The following NRXN3 variants were observed in gnomAD, a reference collection of about 807,000 sequenced individuals.
The protein encoded by NRXN3 is neurexin III.
A neutral mutation model predicts 137.6 loss-of-function variants in NRXN3; 32 were observed. That is an observed-to-expected ratio of 0.23 (90% CI 0.18 to 0.31). The LOEUF (loss-of-function observed/expected upper bound fraction) is 0.31, where lower values mean the gene tolerates loss of function less well. Among genes scored for constraint, NRXN3 ranks in the 10% least tolerant of loss-of-function variants. The pLI, the probability that NRXN3 is intolerant of heterozygous loss-of-function variation, is 1.00. For synonymous variants in NRXN3, 798 were observed against 784.5 expected, an observed-to-expected ratio of 1.02 and a Z score of -0.29; for missense variants, 1,574 against 2,062.5, an observed-to-expected ratio of 0.76 and a Z score of 4.59.
intron 15 of NRXN3, among the ~76,000 whole-genome samples, chr14:79,317,457 T>A (rs2089051238): frequency 6.6e-6 from 1 of 152,210 alleles, no homozygotes. Context: ...TCATATTGGA[T>A]GACTTATCCT....
At chr14:78,403,823 A>G (rs746072328) in intron 4 of NRXN3, 12 of 985,204 alleles carry the variant, frequency 1.2e-5, no homozygotes, top group Non-Finnish European at 1.4e-5. Flanking sequence ...GTGCTTTCTC[A>G]GGGATATGCA....
At chr14:78,818,608 A>G (rs561982408) in intron 10 of NRXN3, among the ~76,000 whole-genome samples, 26 of 152,288 alleles carry the variant, frequency 1.7e-4, no homozygotes, top group African/African-American at 6.0e-4. Flanking sequence ...ATTTTGGTTG[A>G]AAGTAAGGAA....
chr14:78,300,687 T>TA, intron 4 of NRXN3: 1 of 1,529,922 alleles, frequency 6.5e-7, no homozygotes, highest in Non-Finnish European at 8.8e-7. Context: ...TAGGTAGAAG[T>TA]AAAGGTAGAG....
intron 4 of NRXN3, among the ~76,000 whole-genome samples, chr14:78,345,406 C>A (rs546863308): frequency 6.6e-6 from 1 of 152,132 alleles, no homozygotes; most frequent in Non-Finnish European, 1.5e-5. Flanking sequence ...CTAAGTCTTA[C>A]GATTTTGAAA....
chr14:79,852,234 A>AACAC (rs45581833), intron 20 of NRXN3, among the ~76,000 whole-genome samples: 21,371 of 128,054 alleles, frequency 0.17, 1,988 homozygotes, highest in Non-Finnish European at 0.19. Context: ...TTCAACTCCC[A>AACAC]ACACACACAC....
chr14:78,174,155 C>CAGT (rs2059036615), intron 1 of NRXN3, among the ~76,000 whole-genome samples: 1 of 151,954 alleles, frequency 6.6e-6, no homozygotes, highest in Non-Finnish European at 1.5e-5. Flanking sequence ...AAATAAGCAC[C>CAGT]CAGTGATAAT....
intron 19 of NRXN3, among the ~76,000 whole-genome samples, chr14:79,797,912 G>A (rs1035678544): frequency 3.9e-5 from 6 of 151,974 alleles, no homozygotes; most frequent in Non-Finnish European, 8.8e-5. Flanking sequence ...CGGCAACATG[G>A]CAAAACCCTG....
rs796485268 is a variant in NRXN3, at chr14:79,409,617, CTATATATATATATA to C, written c.3263-57590_3263-57577del. Among the ~76,000 whole-genome samples the C allele has an allele frequency of 3.7e-3, 413 of 112,116 alleles. 5 individuals carry two copies. The highest frequency in any genetic ancestry group is 0.013 in the African/African-American group (393 of 31,424). The allele number at this position is 112,116 out of a possible 152,430, so 73.6% of individuals were successfully genotyped here. On this transcript the variant is annotated intron_variant, in intron 15 of 20. Transcript: ENST00000335750. ...AGCAAGTGTGTGTGTGTGTGTGTGT[CTATATATATATATA>C]TATATATATATATCCTCAAAATTTT...
At position 78,651,274 on chromosome 14, in the gene NRXN3, C is replaced by T. The variant is rs1423929238; in HGVS notation, c.1169C>T (p.Ala390Val). The T allele has an allele frequency of 2.5e-6, 4 of 1,614,106 alleles. No individual in the cohort carries two copies. In the South Asian group the frequency reaches 3.3e-5, roughly 13 times the overall value. ...FFYVGGSPST[A>V]DLPGSPVSNN... Reference sequence around the variant, plus strand: ...TATGTAGGAGGAAGCCCAAGTACCGCTGACTTGCCTGGCTCCCCTGTCAGC... The same window carrying T: ...TATGTAGGAGGAAGCCCAAGTACCGTTGACTTGCCTGGCTCCCCTGTCAGC... The change falls in exon 6 of 21, where the codon GCT becomes GTT. Residue 390 changes from alanine (A) to valine (V), a missense_variant. This residue lies in a region of NRXN3 where 400 missense variants were observed against 527.3 expected (regional missense o/e 0.76). Transcript: ENST00000335750.
chr14:79,537,535 G>A (rs1052762109), intron 16 of NRXN3, among the ~76,000 whole-genome samples: 6 of 152,006 alleles, frequency 3.9e-5, no homozygotes, highest in Non-Finnish European at 8.8e-5. Context: ...GTGACAACAT[G>A]CAGTGTTTGG....
intron 4 of NRXN3, among the ~76,000 whole-genome samples, chr14:78,588,787 G>A (rs908617029): frequency 2.0e-5 from 3 of 152,142 alleles, no homozygotes; most frequent in African/African-American, 4.8e-5. Context: ...TCCCTTGTCC[G>A]CCCCATATCC....
At chr14:79,814,811 G>A (rs2099246712) in intron 20 of NRXN3, among the ~76,000 whole-genome samples, 1 of 151,978 alleles carries the variant, frequency 6.6e-6, no homozygotes, top group African/African-American at 2.4e-5. Flanking sequence ...GGAACTTTAT[G>A]GAAATCTGCA....
chr14:79,770,269 C>T (rs61992366), intron 19 of NRXN3, among the ~76,000 whole-genome samples: 11,914 of 151,932 alleles, frequency 0.078, 540 homozygotes, highest in South Asian at 0.15. Flanking sequence ...CTGCACCAAG[C>T]GGACCTAATA....
At chr14:78,280,442 G>A (rs965810562) in intron 3 of NRXN3, among the ~76,000 whole-genome samples, 21 of 152,292 alleles carry the variant, frequency 1.4e-4, no homozygotes, top group African/African-American at 5.1e-4. Flanking sequence ...AGTACCCTCT[G>A]ATAAGATGAT....
intron 8 of NRXN3, among the ~76,000 whole-genome samples, chr14:78,757,002 G>C (rs570263133): frequency 3.0e-4 from 45 of 152,316 alleles, no homozygotes; most frequent in African/African-American, 8.2e-4. Flanking sequence ...TTGAAAACTA[G>C]CTTTGCAATC....
Position 78,944,602 on chromosome 14 carries a change from GACAA to G in NRXN3, c.2276-12636_2276-12633del, listed in dbSNP as rs367702345. ...TACACAGAGATGAAGCCCATGTGAAGACAAACAGAGAGTGAAGTGATGCTTCTGT... is the reference window on the plus strand; with the variant it reads ...TACACAGAGATGAAGCCCATGTGAAGACAGAGAGTGAAGTGATGCTTCTGT... On this transcript the variant is annotated intron_variant, in intron 10 of 20. Coordinates refer to ENST00000335750, the MANE Select transcript of NRXN3 (RefSeq NM_001330195.2). 4.3e-4 allele frequency among the ~76,000 whole-genome samples: 66 copies of G among 152,294 alleles called. No homozygotes were observed. The East Asian group carries it at 0.012, about 27-fold the overall frequency.
chr14:79,607,673 A>ATTTT (rs10714829), intron 16 of NRXN3, among the ~76,000 whole-genome samples: 2 of 141,620 alleles, frequency 1.4e-5, no homozygotes, highest in Admixed American at 7.1e-5. Context: ...TTAATCTACA[A>ATTTT]TTTTTTTTTT....
chr14:78,741,527 C>A (rs924094227), intron 8 of NRXN3, among the ~76,000 whole-genome samples: 8 of 152,144 alleles, frequency 5.3e-5, no homozygotes, highest in African/African-American at 1.9e-4. Context: ...TGAGGTATGA[C>A]TGGCATACAA....
intron 2 of NRXN3, among the ~76,000 whole-genome samples, chr14:78,259,131 CA>C (rs138126967): frequency 4.6e-3 from 427 of 93,098 alleles, no homozygotes; most frequent in African/African-American, 0.011. Context: ...GACTCCATCT[CA>C]AAAAAAAAAA....
Sources: allele counts gnomAD v4.1 joint callset (sites outside exome capture counted in the v4.1 genomes callset), GRCh38; gene constraint gnomAD v4.1.1; regional missense constraint gnomAD v4.1.1; transcripts MANE v1.5; gene names NCBI Gene and HGNC (gene_info 2026-07-23, HGNC 2026-07-21).